The following IARS1 variants were observed in gnomAD, a reference collection of about 807,000 sequenced individuals.
IARS1 encodes isoleucyl-tRNA synthetase 1.
IARS1 carries 124 observed loss-of-function variants against 168.2 expected under a neutral mutation model. The ratio of observed to expected loss-of-function variants is 0.74; its 90% CI spans 0.64 to 0.86. The LOEUF (loss-of-function observed/expected upper bound fraction) is 0.86, where lower values mean the gene tolerates loss of function less well. IARS1 is among the 40% of genes least tolerant of loss of function. IARS1 has a pLI of 0.00. For missense variants in IARS1, 1,452 were observed against 1,515.8 expected (o/e 0.96, Z 0.70); for synonymous variants, 532 against 529.4 (o/e 1.00, Z -0.07).
chr9:92,257,795 T>C (rs1224477144), intron 19 of IARS1, among the ~76,000 whole-genome samples: 2 of 152,192 alleles, frequency 1.3e-5, no homozygotes, highest in African/African-American at 4.8e-5. Context: ...TCAACAGTTA[T>C]TTACTTACAA....
intron 31 of IARS1, among the ~76,000 whole-genome samples, chr9:92,224,669 CA>C (rs555648117): frequency 3.9e-4 from 59 of 151,868 alleles, no homozygotes; most frequent in African/African-American, 1.4e-3. Flanking sequence ...CTCCTCTCTA[CA>C]AAAAAGAAAA....
At chr9:92,256,302 T>C (rs1830708083) in intron 20 of IARS1, 1 of 152,548 alleles carries the variant, frequency 6.6e-6, no homozygotes, top group Non-Finnish European at 1.5e-5. Flanking sequence ...GTCTCCTGAA[T>C]AGCTGGGATT....
rs1832571712 is a variant in IARS1 at position 92,268,316 on chromosome 9, C to T, written c.1305-16G>A. The T allele has an allele frequency of 6.2e-7, 1 of 1,603,740 alleles. No homozygotes were observed. Among genetic ancestry groups the T allele is most frequent in the African/African-American group, 1.3e-5 (1 of 74,230 alleles). The stretch of plus-strand genomic sequence containing the variant: ...CTCTGGGACCCTGCAATAAACAGAT[C>T]ACATAACCAATCACATAAAAATATG... On this transcript the variant is annotated splice_polypyrimidine_tract_variant and intron_variant, in intron 13 of 33. Transcript: ENST00000443024.
At chr9:92,288,319 A>G (rs1197572885) in intron 2 of IARS1, 37 bp from the exon 3 acceptor site, 1 of 1,602,470 alleles carries the variant, frequency 6.2e-7, no homozygotes, top group Admixed American at 1.7e-5. Flanking sequence ...CCATTTAAAA[A>G]CAGCCAAAAT....
intron 10 of IARS1, among the ~76,000 whole-genome samples, chr9:92,273,661 T>G (rs949126995): frequency 2.6e-5 from 4 of 152,168 alleles, no homozygotes; most frequent in Non-Finnish European, 2.9e-5. Flanking sequence ...CATATCAATG[T>G]AAAAAAATTG....
intron 6 of IARS1, among the ~76,000 whole-genome samples, chr9:92,283,649 A>T (rs1034251671): frequency 6.6e-6 from 1 of 152,212 alleles, no homozygotes; most frequent in Admixed American, 6.5e-5. Context: ...TCAAAAAAAT[A>T]AAAATTAAAA....
chr9:92,293,558 G>C (rs1474855693), intron 1 of IARS1, 53 bp downstream of exon 1: 1 of 479,388 alleles, frequency 2.1e-6, no homozygotes, highest in Non-Finnish European at 4.3e-6. Context: ...GTTGTAACGC[G>C]TGCGTGACCC....
intron 1 of IARS1, among the ~76,000 whole-genome samples, chr9:92,291,875 A>G (rs1836395377): frequency 6.6e-6 from 1 of 152,184 alleles, no homozygotes; most frequent in African/African-American, 2.4e-5. Context: ...GCATTTTAAC[A>G]AGATCCCTAG....
chr9:92,289,206 CAA>C (rs11438082), intron 2 of IARS1, 93 bp downstream of exon 2: 15,827 of 318,948 alleles, frequency 0.05, no homozygotes, highest in East Asian at 0.069. Flanking sequence ...GACTCCATCT[CAA>C]AAAAAAAAAA....
intron 33 of IARS1, among the ~76,000 whole-genome samples, chr9:92,217,340 AC>A (rs1465864475): frequency 6.9e-6 from 1 of 143,996 alleles, no homozygotes; most frequent in African/African-American, 2.7e-5. Context: ...CAAAATTGAC[AC>A]CCTAACATCA....
chr9:92,283,661 A>C (rs992819555), intron 6 of IARS1, among the ~76,000 whole-genome samples: 2 of 152,162 alleles, frequency 1.3e-5, no homozygotes, highest in African/African-American at 4.8e-5. Context: ...AAATTAAAAC[A>C]AAGTATACTC....
chr9:92,247,801 C>G (rs1173299113), intron 25 of IARS1, among the ~76,000 whole-genome samples: 1 of 152,080 alleles, frequency 6.6e-6, no homozygotes, highest in East Asian at 1.9e-4. Context: ...GTGAAACACG[C>G]CAGACATAAA....
chr9:92,274,359 G>A, intron 10 of IARS1, 67 bp downstream of exon 10: 1 of 1,182,920 alleles, frequency 8.5e-7, no homozygotes, highest in South Asian at 1.2e-5. Flanking sequence ...TGAGACACAG[G>A]ACTCCGCATC....
rs549096782 is a variant in IARS1 at position 92,287,731 on chromosome 9, T to G, written c.396+60A>C. ...AAAAGCACAAGGGACCATAAACCAT[T>G]TCAATGCCCATTTAGTAACTACATT... On this transcript the variant is annotated intron_variant, in intron 4 of 33. Transcript: ENST00000443024. 8.1e-5 allele frequency: 125 copies of G among 1,549,744 alleles called. No homozygotes were observed. In the South Asian group the frequency reaches 1.3e-3, roughly 17 times the overall value.
rs1017175435 is a variant in IARS1 at position 92,215,702 on chromosome 9, C to T, written c.3707-4813G>A. Among the ~76,000 whole-genome samples, 119 of 151,728 alleles carry T rather than the reference C, an allele frequency of 7.8e-4. 1 individual carries two copies. In the South Asian group the frequency reaches 0.02, roughly 26 times the overall value. ...GGAAGATGAAATGAATGAAATGAAG[C>T]GAGAAGGGAAGTTTAGAGAAAAAAG... On this transcript the variant is annotated intron_variant, in intron 33 of 33. Coordinates refer to ENST00000443024, the MANE Select transcript of IARS1 (RefSeq NM_002161.6).
intron 26 of IARS1, among the ~76,000 whole-genome samples, chr9:92,246,286 C>T (rs1054676626): frequency 2.6e-5 from 4 of 152,146 alleles, no homozygotes; most frequent in African/African-American, 9.7e-5. Flanking sequence ...TATGAATCCT[C>T]AAATCTCTCT....
intron 31 of IARS1, among the ~76,000 whole-genome samples, chr9:92,225,537 C>T (rs112845862): frequency 3.3e-5 from 5 of 150,464 alleles, no homozygotes; most frequent in Admixed American, 1.3e-4. Context: ...ATGAAGTTAG[C>T]ATCTTTGAAG....
intron 31 of IARS1, among the ~76,000 whole-genome samples, chr9:92,228,314 A>G (rs1427782085): frequency 6.6e-6 from 1 of 152,172 alleles, no homozygotes; most frequent in Non-Finnish European, 1.5e-5. Flanking sequence ...TCACAATTCA[A>G]TACGTAACAG....
chr9:92,243,348 T>C, intron 27 of IARS1, 37 bp from the exon 28 acceptor site: 1 of 1,410,442 alleles, frequency 7.1e-7, no homozygotes. Context: ...GACAATCAAA[T>C]AAGGAGAAAC....
Sources: gnomAD v4.1 joint callset for allele counts (sites outside exome capture counted in the v4.1 genomes callset) on GRCh38, gnomAD v4.1.1 for gene constraint, MANE v1.5 for transcripts, NCBI Gene and HGNC (gene_info 2026-07-23, HGNC 2026-07-21) for gene names.